Variants in PPP6R2 observed in about 807,000 individuals in gnomAD.
The protein encoded by PPP6R2 is protein phosphatase 6 regulatory subunit 2.
PPP6R2 carries 62 observed loss-of-function variants against 100.2 expected under a neutral mutation model. The ratio of observed to expected loss-of-function variants is 0.62; its 90% CI spans 0.50 to 0.76. The LOEUF is 0.76. Among genes scored for constraint, PPP6R2 ranks in the 30% least tolerant of loss-of-function variants. The pLI, the probability that PPP6R2 is intolerant of heterozygous loss-of-function variation, is 0.00. For synonymous variants in PPP6R2, 525 were observed against 514.7 expected (o/e 1.02, Z -0.27); for missense variants, 1,142 against 1,276.3 (o/e 0.89, Z 1.60).
chr22:50,426,911 G>A (rs757042770), intron 10 of PPP6R2, among the ~76,000 whole-genome samples: 4 of 151,444 alleles, frequency 2.6e-5, no homozygotes, highest in Admixed American at 6.6e-5. Context: ...CTGGCCGGCC[G>A]GGCGCAGTGG....
chr22:50,441,213 G>C (rs1002890022), intron 22 of PPP6R2, 187 bp downstream of exon 22: 2 of 591,842 alleles, frequency 3.4e-6, no homozygotes, highest in African/African-American at 3.7e-5. Context: ...ACGCGTTTAC[G>C]TGGAGGCCAG....
At chr22:50,435,633 G>T (rs1035798549) in intron 13 of PPP6R2, among the ~76,000 whole-genome samples, 2 of 152,200 alleles carry the variant, frequency 1.3e-5, no homozygotes, top group African/African-American at 2.4e-5. Flanking sequence ...TGTAAGGTGA[G>T]GAAGCTCTGG....
chr22:50,437,858 G>T lies in PPP6R2; in HGVS notation c.1797G>T (p.Arg599Ser). Residue 599 changes from arginine to serine, a missense_variant, in exon 17 of 24, where the codon AGG becomes AGT. Physicochemically the swap from Arg to Ser is moderately radical, Grantham distance 110. Transcript: ENST00000612753. ...GCTCTTGCAGTGCCCCGTTTGACAG[G>T]ATCGCAGAGATCAACTTCAACATCG... is the stretch of plus-strand genomic sequence containing the variant. ...QDDNINAPFD[R>S]IAEINFNIDA... is the part of the protein sequence containing the mutation. 2 of 1,553,430 alleles carry T rather than the reference G, an allele frequency of 1.3e-6. No individual in the cohort carries two copies. The highest frequency in any genetic ancestry group is 1.7e-6 in the Non-Finnish European group (2 of 1,148,100).
At chr22:50,428,545 T>C (rs1202743204) in intron 10 of PPP6R2, among the ~76,000 whole-genome samples, 1 of 152,004 alleles carries the variant, frequency 6.6e-6, no homozygotes, top group Non-Finnish European at 1.5e-5. Context: ...ACCTGGTCTC[T>C]ACAAAATAAA....
upstream of PPP6R2, among the ~76,000 whole-genome samples, chr22:50,339,633 TGTG>T (rs1430818246): frequency 8.4e-5 from 11 of 130,492 alleles, no homozygotes; most frequent in Non-Finnish European, 1.8e-4. Context: ...GTGTGTGTTA[TGTG>T]GTGTGTGTGT....
At chr22:50,338,707 GGTGTGTGGTGTGTGTGTGGTGTGTAGT>G (rs1569218447), upstream of PPP6R2, among the ~76,000 whole-genome samples, 1 of 131,746 alleles carries the variant, frequency 7.6e-6, no homozygotes, top group East Asian at 2.5e-4. Context: ...GTGTGTGTAG[GGTGTGTGGTGTGTGTGTGGTGTGTAGT>G]GTGTGTGTTA....
At chr22:50,385,554 C>A (rs1295564231) in intron 2 of PPP6R2, among the ~76,000 whole-genome samples, 1 of 148,784 alleles carries the variant, frequency 6.7e-6, no homozygotes, top group Non-Finnish European at 1.5e-5. Flanking sequence ...TTGCTCTCAT[C>A]CCCTAGGCTG....
chr22:50,438,001 G>A, intron 17 of PPP6R2, 101 bp downstream of exon 17: 4 of 1,513,328 alleles, frequency 2.6e-6, no homozygotes, highest in Non-Finnish European at 3.6e-6. Flanking sequence ...GTGGGGCTGG[G>A]AGAGGCCCCT....
intron 12 of PPP6R2, 131 bp from the exon 13 acceptor site, chr22:50,434,835 G>A (rs201094066): frequency 8.1e-4 from 576 of 707,484 alleles, no homozygotes; most frequent in Non-Finnish European, 1.1e-3. Flanking sequence ...CCGGGGGCGC[G>A]GACACTGGGC....
At chr22:50,435,114 T>C in intron 13 of PPP6R2, 33 bp downstream of exon 13, 1 of 1,474,134 alleles carries the variant, frequency 6.8e-7, no homozygotes. Context: ...CTTCTGCTGG[T>C]CGCGGGCACC....
At chr22:50,404,089 ATTTTTT>A (rs55771128) in intron 3 of PPP6R2, among the ~76,000 whole-genome samples, 1 of 116,414 alleles carries the variant, frequency 8.6e-6, no homozygotes, top group African/African-American at 3.4e-5. Flanking sequence ...TGCACATTCT[ATTTTTT>A]TTTTTTTTTT....
Position 50,440,028 on chromosome 22 carries a change from A to G in PPP6R2, c.2353A>G (p.Ser785Gly). ...TECSHAEGSRSQGPEKAFSPA... is the reference protein window; with the variant it reads ...TECSHAEGSRGQGPEKAFSPA... ...ATGCAGCCATGCTGAGGGCAGCCGG[A>G]GCCAAGGCCCTGAGAAAGCCTGTGA... Residue 785 changes from serine (S) to glycine (G), a missense_variant, in exon 21 of 24, where the codon AGC becomes GGC. Ser to Gly is a moderately conservative substitution (Grantham distance 56). Around this residue, in one of 2 missense-constraint regions of PPP6R2, gnomAD observed 550 missense variants for 517.4 expected, o/e 1.06. Coordinates refer to ENST00000612753, the MANE Select transcript of PPP6R2 (RefSeq NM_001242898.2). 1.2e-6 allele frequency: 2 copies of G among 1,613,280 alleles called. No individual in the cohort carries two copies. The highest frequency in any genetic ancestry group is 1.7e-6 in the Non-Finnish European group (2 of 1,179,836).
chr22:50,416,770 C>T (rs2147586399), intron 6 of PPP6R2, among the ~76,000 whole-genome samples: 1 of 151,946 alleles, frequency 6.6e-6, no homozygotes, highest in East Asian at 2.0e-4. Flanking sequence ...TTGAGACCAG[C>T]CTGGCCAACG....
At position 50,444,294 on chromosome 22, in the gene PPP6R2, T is replaced by TA. The variant is rs2066572845; in HGVS notation, c.*49dup. ...GCCCACCCTGGTCAGGCTGCCTCCT[T>TA]AATCGAGAAAACTACCTGGTGATGC... On this transcript the variant is annotated 3_prime_UTR_variant, in exon 24 of 24. Transcript: ENST00000612753. The TA allele has an allele frequency of 1.3e-6, 2 of 1,584,270 alleles. No individual in the cohort carries two copies. Among genetic ancestry groups the TA allele is most frequent in the Non-Finnish European group, 8.6e-7 (1 of 1,166,608 alleles).
intron 4 of PPP6R2, among the ~76,000 whole-genome samples, chr22:50,413,104 T>C (rs1475935771): frequency 6.6e-6 from 1 of 151,822 alleles, no homozygotes; most frequent in East Asian, 1.9e-4. Context: ...ATTACAGGCA[T>C]GCACCACCAC....
chr22:50,363,714 T>A (rs570582954), intron 1 of PPP6R2, among the ~76,000 whole-genome samples: 1 of 152,282 alleles, frequency 6.6e-6, no homozygotes, highest in African/African-American at 2.4e-5. Flanking sequence ...AGAGCTGGGC[T>A]CATCTGACCA....
At chr22:50,366,735 G>A (rs935778353) in intron 1 of PPP6R2, among the ~76,000 whole-genome samples, 5 of 151,780 alleles carry the variant, frequency 3.3e-5, no homozygotes, top group Admixed American at 3.3e-4. Context: ...TGTGAGCTCT[G>A]CCCTCTGGTG....
chr22:50,427,634 C>T (rs1380030586), intron 10 of PPP6R2, among the ~76,000 whole-genome samples: 3 of 150,262 alleles, frequency 2.0e-5, no homozygotes, highest in Admixed American at 6.6e-5. Flanking sequence ...CTCACCGCAA[C>T]CTTTGCCTCC....
At chr22:50,418,468 C>T (rs1021270829) in intron 6 of PPP6R2, among the ~76,000 whole-genome samples, 1 of 151,898 alleles carries the variant, frequency 6.6e-6, no homozygotes, top group Non-Finnish European at 1.5e-5. Context: ...TCACTGCAAG[C>T]TCCTTCTCCC....
Sources: gnomAD v4.1 joint callset for allele counts (sites outside exome capture counted in the v4.1 genomes callset) on GRCh38, gnomAD v4.1.1 for gene constraint, gnomAD v4.1.1 regional missense constraint, MANE v1.5 for transcripts, NCBI Gene and HGNC (gene_info 2026-07-23, HGNC 2026-07-21) for gene names.